Variants in ZSCAN2 observed in about 807,000 individuals in gnomAD.
ZSCAN2 encodes the protein zinc finger and SCAN domain containing 2.
A neutral mutation model predicts 47.8 loss-of-function variants in ZSCAN2; 26 were observed. The ratio of observed to expected loss-of-function variants is 0.54; its 90% CI spans 0.40 to 0.75. The LOEUF is 0.75. Among genes scored for constraint, ZSCAN2 ranks in the 30% least tolerant of loss-of-function variants. ZSCAN2 has a pLI of 0.00. For missense variants in ZSCAN2, 732 were observed against 785.4 expected (o/e 0.93, Z 0.81); for synonymous variants, 305 against 288.7 (o/e 1.06, Z -0.57).
At position 84,603,952 on chromosome 15, in the gene ZSCAN2, G is replaced by A. The variant is rs924725525; in HGVS notation, c.25G>A (p.Val9Met). MMAADIPR[V>M]TTPLSSLVQV... ...GATGATGGCTGCAGACATCCCGAGA[G>A]TGACCACTCCGCTGAGCTCCTTGGT... Residue 9 changes from valine (V) to methionine (M), a missense_variant, in exon 2 of 3, where the codon GTG (valine) becomes ATG (methionine). Physicochemically the swap from Val to Met is conservative, Grantham distance 21 (BLOSUM62 1). Around this residue, in one of 2 missense-constraint regions of ZSCAN2, gnomAD observed 320 missense variants for 287.4 expected, o/e 1.11. Coordinates refer to ENST00000546148, the MANE Select transcript of ZSCAN2 (RefSeq NM_181877.4). 2.0e-5 allele frequency: 32 copies of A among 1,613,738 alleles called. No individual in the cohort carries two copies. The highest frequency in any genetic ancestry group is 2.5e-5 in the Non-Finnish European group (30 of 1,179,988).
intron 2 of ZSCAN2, chr15:84,606,642 A>G (rs1895390568): frequency 6.2e-7 from 1 of 1,604,148 alleles, no homozygotes; most frequent in Admixed American, 1.7e-5. Context: ...GAGAGGCCTC[A>G]GGTTGTTATT....
intron 1 of ZSCAN2, among the ~76,000 whole-genome samples, chr15:84,603,608 C>G (rs1177062147): frequency 6.6e-6 from 1 of 152,102 alleles, no homozygotes; most frequent in Non-Finnish European, 1.5e-5. Flanking sequence ...TCCCAAAGTG[C>G]TGGGATTACA....
chr15:84,619,998 C>T (rs1895779969), intron 2 of ZSCAN2, among the ~76,000 whole-genome samples: 1 of 143,248 alleles, frequency 7.0e-6, no homozygotes, highest in Admixed American at 7.2e-5. Context: ...AGGTTTGCTA[C>T]AAAGGTAAAT....
chr15:84,608,423 C>T (rs1301486056), intron 2 of ZSCAN2, among the ~76,000 whole-genome samples: 3 of 150,792 alleles, frequency 2.0e-5, no homozygotes, highest in African/African-American at 7.3e-5. Flanking sequence ...ATCCCAGCTA[C>T]TTGGGAGGCT....
chr15:84,623,459 G>T lies in ZSCAN2; in HGVS notation c.*1419G>T. The T allele has an allele frequency of 5.9e-6, 1 of 170,172 alleles. No individual in the cohort carries two copies. The highest frequency in any genetic ancestry group is 1.4e-5 in the Non-Finnish European group (1 of 69,480). 10.5% of individuals were successfully genotyped at this position (170,172 alleles called of 1,614,324 possible). A position where few individuals can be genotyped will look rare whatever the true frequency, so the allele number is the denominator to read the frequency against. On this transcript the variant is annotated 3_prime_UTR_variant, in exon 3 of 3. Transcript: ENST00000546148. ...CTGTTCCCTGGAGATATTTGGGCTT[G>T]AATCAGGAGTTTGTCCTACAGGTGT...
At position 84,621,523 on chromosome 15, in the gene ZSCAN2, A is replaced by G. The variant is rs1225784390; in HGVS notation, c.1328A>G (p.Glu443Gly). The change falls in exon 3 of 3, where the codon GAG becomes GGG. Residue 443 changes from glutamate to glycine, a missense_variant. Physicochemically the swap from Glu to Gly is moderately conservative, Grantham distance 98. Around this residue, in one of 2 missense-constraint regions of ZSCAN2, gnomAD observed 412 missense variants for 498.0 expected, o/e 0.83. Coordinates refer to ENST00000546148, the MANE Select transcript of ZSCAN2 (RefSeq NM_181877.4). This position sits in a 1 kb window ranked among gnomAD's most constrained non-coding sequence, Gnocchi z 5.7. ...ACACACCGGAGAACCCACATGGTGGAGAAGCCCTATAAGTGTGGGGTGTGT... is the reference window on the plus strand; with the variant it reads ...ACACACCGGAGAACCCACATGGTGGGGAAGCCCTATAAGTGTGGGGTGTGT... The part of the protein sequence containing the change: ...LATHRRTHMV[E>G]KPYKCGVCGK... 1.2e-6 allele frequency: 2 copies of G among 1,613,990 alleles called. No homozygotes were observed. Among genetic ancestry groups the G allele is most frequent in the Non-Finnish European group, 1.7e-6 (2 of 1,179,992 alleles).
In ZSCAN2 at chr15:84,603,251, G is replaced by T. The variant is rs546295003; in HGVS notation, c.-108-569G>T. ...AGGTCACACAGTGCAAGTCGAAACT[G>T]ACTTAGGAGAGTCCTCAGTATTTCA... On this transcript the variant is annotated intron_variant, in intron 1 of 2. Transcript: ENST00000546148. Among the ~76,000 whole-genome samples, 38 of 152,228 alleles carry T rather than the reference G, an allele frequency of 2.5e-4. No individual in the cohort carries two copies. In the South Asian group the frequency reaches 7.7e-3, roughly 31 times the overall value.
At chr15:84,619,447 C>A (rs914940217) in intron 2 of ZSCAN2, among the ~76,000 whole-genome samples, 3 of 151,422 alleles carry the variant, frequency 2.0e-5, no homozygotes, top group Non-Finnish European at 2.9e-5. Context: ...AAAAAAAAAT[C>A]TATTCATAAG....
At chr15:84,607,003 C>A in intron 2 of ZSCAN2, 1 of 382,288 alleles carries the variant, frequency 2.6e-6, no homozygotes, top group Non-Finnish European at 3.6e-6. Flanking sequence ...ATTCACCCAG[C>A]ACAGGATATT....
In ZSCAN2 at chr15:84,621,970, G is replaced by A. The variant is rs777578692; in HGVS notation, c.1775G>A (p.Gly592Asp). 19 of 1,614,160 alleles carry A rather than the reference G, an allele frequency of 1.2e-5. No individual in the cohort carries two copies. The South Asian group carries it at 1.6e-4, about 14-fold the overall frequency. The stretch of plus-strand genomic sequence containing the variant: ...AAGCCCTACAAATGCCCCGAGTGTG[G>A]CAAAGGCTTCAGCAACAGCTCTAAC... ...GEKPYKCPEC[G>D]KGFSNSSNFI... The change falls in exon 3 of 3, where the codon GGC (glycine) becomes GAC (aspartate). Residue 592 changes from glycine to aspartate, a missense_variant. Coordinates refer to ENST00000546148, the MANE Select transcript of ZSCAN2 (RefSeq NM_181877.4). The surrounding 1 kb of genome is among the most constrained non-coding windows in gnomAD (Gnocchi z 5.7).
chr15:84,616,406 A>T, intron 2 of ZSCAN2: 1 of 1,596,654 alleles, frequency 6.3e-7, no homozygotes, highest in East Asian at 2.2e-5. Flanking sequence ...TGCTTACCCC[A>T]GTTCCCAAAC....
In ZSCAN2 at chr15:84,621,707, C is replaced by T. The variant is rs1895820687; in HGVS notation, c.1512C>T (p.Cys504=). 5.6e-6 allele frequency: 9 copies of T among 1,614,092 alleles called. No individual in the cohort carries two copies. Among genetic ancestry groups the T allele is most frequent in the Non-Finnish European group, 7.6e-6 (9 of 1,180,048 alleles). ...RIHTGEKPYK[C]SECGKCFSQR... ...ACACGGGAGAGAAACCCTACAAATG[C>T]AGCGAGTGTGGGAAATGCTTCAGCC... The change falls in exon 3 of 3, where the codon TGC becomes TGT. Residue 504 remains cysteine, a synonymous_variant. Coordinates refer to ENST00000546148, the MANE Select transcript of ZSCAN2 (RefSeq NM_181877.4). This position sits in a 1 kb window ranked among gnomAD's most constrained non-coding sequence, Gnocchi z 5.7.
At chr15:84,618,236 A>G (rs1271131289) in intron 2 of ZSCAN2, among the ~76,000 whole-genome samples, 1 of 151,882 alleles carries the variant, frequency 6.6e-6, no homozygotes, top group Non-Finnish European at 1.5e-5. Flanking sequence ...TGGCCAACAT[A>G]GTGAAACCCC....
intron 2 of ZSCAN2, among the ~76,000 whole-genome samples, chr15:84,608,187 C>G (rs8023995): frequency 5.9e-5 from 9 of 152,034 alleles, no homozygotes; most frequent in Admixed American, 4.6e-4. Context: ...TTCCCTCTCC[C>G]TTCAGTATCA....
At position 84,623,603 on chromosome 15, in the gene ZSCAN2, T is replaced by C. The variant is rs1347743504; in HGVS notation, c.*1563T>C. Reference sequence around the variant, plus strand: ...CTGTGAAGGAAGAGGAGATAAGGCATTTCCAGGAAATGGGAAACTGCCTCC... The same window carrying C: ...CTGTGAAGGAAGAGGAGATAAGGCACTTCCAGGAAATGGGAAACTGCCTCC... On this transcript the variant is annotated 3_prime_UTR_variant, in exon 3 of 3. Coordinates refer to ENST00000546148, the MANE Select transcript of ZSCAN2 (RefSeq NM_181877.4). The C allele has an allele frequency of 6.0e-6, 1 of 167,284 alleles. No homozygotes were observed. The highest frequency in any genetic ancestry group is 2.4e-5 in the African/African-American group (1 of 41,412). 10.4% of individuals were successfully genotyped at this position (167,284 alleles called of 1,614,324 possible). A position where few individuals can be genotyped will look rare whatever the true frequency, so the allele number is the denominator to read the frequency against.
chr15:84,603,368 CTTTTTTT>C (rs530895051), intron 1 of ZSCAN2, among the ~76,000 whole-genome samples: 3,281 of 135,758 alleles, frequency 0.024, 53 homozygotes, highest in South Asian at 0.034. Flanking sequence ...GCTTGGGATA[CTTTTTTT>C]TTTTTTTTTT....
Position 84,601,079 on chromosome 15 carries a change from C to G in ZSCAN2, c.-165C>G, listed in dbSNP as rs1241971423. 6.6e-6 allele frequency: 1 copy of G among 152,554 alleles called. No individual in the cohort carries two copies. Among genetic ancestry groups the G allele is most frequent in the Non-Finnish European group, 1.5e-5 (1 of 68,320 alleles). The allele number at this position is 152,554 out of a possible 1,614,324, so 9.5% of individuals were successfully genotyped here. A position where few individuals can be genotyped will look rare whatever the true frequency, so the allele number is the denominator to read the frequency against. ...TGAATCTGGAGGGGCCGGGCCGAGCCCGGGGGCGCTTTCGCACGCGAAGCA... is the reference window on the plus strand; with the variant it reads ...TGAATCTGGAGGGGCCGGGCCGAGCGCGGGGGCGCTTTCGCACGCGAAGCA... On this transcript the variant is annotated 5_prime_UTR_variant, in exon 1 of 3. Transcript: ENST00000546148.
Position 84,621,239 on chromosome 15 carries a change from C to T in ZSCAN2, c.1044C>T (p.Ser348=). 1 of 1,613,698 alleles carries T rather than the reference C, an allele frequency of 6.2e-7. No individual in the cohort carries two copies. The change falls in exon 3 of 3, where the codon AGC becomes AGT. Residue 348 remains serine (S), a synonymous_variant. Coordinates refer to ENST00000546148, the MANE Select transcript of ZSCAN2 (RefSeq NM_181877.4). This position sits in a 1 kb window ranked among gnomAD's most constrained non-coding sequence, Gnocchi z 5.7. ...GAAAGAGCTTTGGCAACCGATCCAG[C>T]CTTAACACGCATCAGGGGATCCACA... ...ECGKSFGNRS[S]LNTHQGIHTG...
Position 84,601,055 on chromosome 15 carries a change from G to C in ZSCAN2, c.-189G>C, listed in dbSNP as rs1895183722. On this transcript the variant is annotated 5_prime_UTR_variant, in exon 1 of 3. Transcript: ENST00000546148. ...GTGCCCCACGGGCTTGAGCCGGGGT[G>C]AATCTGGAGGGGCCGGGCCGAGCCC... 1 of 152,506 alleles carries C rather than the reference G, an allele frequency of 6.6e-6. No individual in the cohort carries two copies. Among genetic ancestry groups the C allele is most frequent in the South Asian group, 2.1e-4 (1 of 4,842 alleles). The allele number at this position is 152,506 out of a possible 1,614,324, so 9.4% of individuals were successfully genotyped here. A position where few individuals can be genotyped will look rare whatever the true frequency, so the allele number is the denominator to read the frequency against.
Sources: gnomAD v4.1 joint callset for allele counts (sites outside exome capture counted in the v4.1 genomes callset) on GRCh38, gnomAD v4.1.1 for gene constraint, gnomAD v4.1.1 regional missense constraint, Gnocchi (gnomAD v3.1) non-coding constraint, MANE v1.5 for transcripts, NCBI Gene and HGNC (gene_info 2026-07-23, HGNC 2026-07-21) for gene names.